The following PIP5K1B variants were observed in gnomAD, a reference collection of about 807,000 sequenced individuals.
The protein encoded by PIP5K1B is phosphatidylinositol 4-phosphate 5-kinase type-1 beta.
A neutral mutation model predicts 67.0 loss-of-function variants in PIP5K1B; 42 were observed. The observed-to-expected ratio is 0.63, with a 90% CI of 0.49 to 0.81. The LOEUF is 0.81. Ranked by LOEUF, PIP5K1B falls within the 30% of genes least tolerant of loss-of-function variation. The pLI, the probability that PIP5K1B is intolerant of heterozygous loss-of-function variation, is 0.00. For missense variants in PIP5K1B, 459 were observed against 646.3 expected, an observed-to-expected ratio of 0.71 and a Z score of 3.14; for synonymous variants, 214 against 231.4, an observed-to-expected ratio of 0.92 and a Z score of 0.68.
At chr9:68,919,038 T>C (rs1826239765) in intron 9 of PIP5K1B, among the ~76,000 whole-genome samples, 1 of 152,216 alleles carries the variant, frequency 6.6e-6, no homozygotes, top group Non-Finnish European at 1.5e-5. Flanking sequence ...AATAACTGTT[T>C]AATTATATTT....
intron 1 of PIP5K1B, among the ~76,000 whole-genome samples, chr9:68,732,585 G>A (rs143815775): frequency 6.6e-6 from 1 of 152,160 alleles, no homozygotes; most frequent in Non-Finnish European, 1.5e-5. Flanking sequence ...ATCAGAGGAG[G>A]CACTTGTCTC....
rs78345130 is a variant in PIP5K1B at position 68,927,094 on chromosome 9, G to A, written c.1201+3708G>A. Among the ~76,000 whole-genome samples, 605 of 152,202 alleles carry A rather than the reference G, an allele frequency of 4.0e-3. 3 individuals carry two copies. The highest frequency in any genetic ancestry group is 6.2e-3 in the Non-Finnish European group (419 of 68,014). ...ATTTTTGAGGTTTATCTGTAGCCTCGTAGCATGTACCAGTAATTTATTCTT... is the reference window on the plus strand; with the variant it reads ...ATTTTTGAGGTTTATCTGTAGCCTCATAGCATGTACCAGTAATTTATTCTT... On this transcript the variant is annotated intron_variant, in intron 12 of 15. Coordinates refer to ENST00000265382, the MANE Select transcript of PIP5K1B (RefSeq NM_003558.4).
intron 14 of PIP5K1B, among the ~76,000 whole-genome samples, chr9:68,967,882 C>G (rs760990545): frequency 6.6e-6 from 1 of 152,018 alleles, no homozygotes; most frequent in Non-Finnish European, 1.5e-5. Context: ...AGGCTCACCC[C>G]CATGGGGGTG....
chr9:68,942,249 T>C (rs1827596278), intron 14 of PIP5K1B, among the ~76,000 whole-genome samples: 1 of 152,186 alleles, frequency 6.6e-6, no homozygotes. Context: ...TCTTTTGCTC[T>C]CAAATATAAA....
chr9:68,760,033 A>T (rs1393555992), intron 2 of PIP5K1B, among the ~76,000 whole-genome samples: 1 of 152,124 alleles, frequency 6.6e-6, no homozygotes, highest in Non-Finnish European at 1.5e-5. Flanking sequence ...TTAAGACATT[A>T]GGAGATCTGG....
intron 2 of PIP5K1B, among the ~76,000 whole-genome samples, chr9:68,772,187 A>G (rs145553809): frequency 6.6e-6 from 1 of 152,254 alleles, no homozygotes; most frequent in Non-Finnish European, 1.5e-5. Context: ...ACTTCTTTTG[A>G]ACATTTGACC....
chr9:68,773,641 C>T (rs1830770019), intron 2 of PIP5K1B, among the ~76,000 whole-genome samples: 1 of 152,184 alleles, frequency 6.6e-6, no homozygotes, highest in Non-Finnish European at 1.5e-5. Context: ...TCACTGTCTC[C>T]ATAAGAAGGA....
chr9:68,951,781 A>G (rs1828080256), intron 14 of PIP5K1B, among the ~76,000 whole-genome samples: 2 of 152,210 alleles, frequency 1.3e-5, no homozygotes, highest in Admixed American at 1.3e-4. Flanking sequence ...TAGTCGTGTA[A>G]CATGTGTTAA....
chr9:68,785,367 T>C (rs1010740080), intron 2 of PIP5K1B, among the ~76,000 whole-genome samples: 58 of 152,298 alleles, frequency 3.8e-4, no homozygotes, highest in Admixed American at 3.7e-3. Flanking sequence ...CCCACATTTT[T>C]CATGGCTGTT....
intron 15 of PIP5K1B, among the ~76,000 whole-genome samples, chr9:68,992,737 G>A (rs1249795564): frequency 6.0e-5 from 9 of 149,716 alleles, no homozygotes; most frequent in African/African-American, 2.2e-4. Flanking sequence ...CTACTTAGGA[G>A]GCTGAGGTAG....
chr9:68,828,788 T>C (rs1834125095), intron 4 of PIP5K1B, among the ~76,000 whole-genome samples: 1 of 152,174 alleles, frequency 6.6e-6, no homozygotes, highest in Non-Finnish European at 1.5e-5. Context: ...TAAACCTTTC[T>C]ATGGCCGAGC....
chr9:68,895,290 A>T (rs1301298703), intron 8 of PIP5K1B, among the ~76,000 whole-genome samples: 2 of 151,158 alleles, frequency 1.3e-5, no homozygotes, highest in Non-Finnish European at 2.9e-5. Flanking sequence ...AAAAAAAACT[A>T]AGGGAAGATT....
chr9:68,986,863 AG>A (rs1830115990), intron 14 of PIP5K1B, among the ~76,000 whole-genome samples: 1 of 152,214 alleles, frequency 6.6e-6, no homozygotes, highest in Admixed American at 6.5e-5. Flanking sequence ...GTTTGCCTCT[AG>A]GGAGGAGAAT....
rs1389110375 is a variant in PIP5K1B, at chr9:68,788,254, T to G, written c.-85-30207T>G. 4 of 475,988 alleles carry G rather than the reference T, an allele frequency of 8.4e-6. No homozygotes were observed. In the East Asian group the frequency reaches 2.1e-4, roughly 25 times the overall value. The allele number at this position is 475,988 out of a possible 1,614,324, so 29.5% of individuals were successfully genotyped here. A position where few individuals can be genotyped will look rare whatever the true frequency, so the allele number is the denominator to read the frequency against. On this transcript the variant is annotated intron_variant, in intron 2 of 15. Transcript: ENST00000265382. ...GGAGACAGGCCGATACTTTTTACTT[T>G]TAGATAAGAAATGAAAAAGTGTTCA...
intron 2 of PIP5K1B, among the ~76,000 whole-genome samples, chr9:68,767,699 G>T (rs904921634): frequency 7.9e-5 from 12 of 151,826 alleles, no homozygotes; most frequent in Admixed American, 1.3e-4. Context: ...CTCAATAATG[G>T]AGAAGCTAGT....
intron 8 of PIP5K1B, among the ~76,000 whole-genome samples, chr9:68,907,492 T>C (rs1427382188): frequency 6.6e-6 from 1 of 152,142 alleles, no homozygotes; most frequent in Non-Finnish European, 1.5e-5. Context: ...GATTTTTTTT[T>C]CTAATGATAA....
At chr9:68,866,509 A>G (rs1425732133) in intron 5 of PIP5K1B, among the ~76,000 whole-genome samples, 1 of 152,186 alleles carries the variant, frequency 6.6e-6, no homozygotes, top group Non-Finnish European at 1.5e-5. Context: ...GAATAAAACT[A>G]TTTAAAATAG....
intron 2 of PIP5K1B, among the ~76,000 whole-genome samples, chr9:68,787,499 A>T (rs1564135629): frequency 6.6e-6 from 1 of 152,176 alleles, no homozygotes; most frequent in Non-Finnish European, 1.5e-5. Flanking sequence ...TTTTCTTGCC[A>T]ATCTTTCATT....
At chr9:68,796,395 A>G (rs1000471137) in intron 2 of PIP5K1B, among the ~76,000 whole-genome samples, 2 of 152,220 alleles carry the variant, frequency 1.3e-5, no homozygotes, top group East Asian at 1.9e-4. Context: ...AGACTTGCCA[A>G]TATAAAATAC....
Sources: allele counts gnomAD v4.1 joint callset (sites outside exome capture counted in the v4.1 genomes callset), GRCh38; gene constraint gnomAD v4.1.1; transcripts MANE v1.5; gene names NCBI Gene and HGNC (gene_info 2026-07-23, HGNC 2026-07-21).